Variants in ADAMTS6 observed in about 807,000 individuals in gnomAD.
ADAMTS6 encodes ADAM metallopeptidase with thrombospondin type 1 motif 6, also known as A disintegrin and metalloproteinase with thrombospondin motifs 6.
Under a neutral mutation model 144.3 loss-of-function variants are expected in ADAMTS6, and 23 were observed. The ratio of observed to expected loss-of-function variants is 0.16; its 90% CI spans 0.11 to 0.23. The LOEUF (loss-of-function observed/expected upper bound fraction) is 0.23. ADAMTS6 is among the 10% of genes least tolerant of loss of function. The pLI is 1.00. For missense variants in ADAMTS6, 999 were observed against 1,379.6 expected (o/e 0.72, Z 4.37); for synonymous variants, 444 against 457.5 (o/e 0.97, Z 0.38).
At chr5:65,237,874 C>G (rs1257101705) in intron 15 of ADAMTS6, among the ~76,000 whole-genome samples, 2 of 151,936 alleles carry the variant, frequency 1.3e-5, no homozygotes, top group Non-Finnish European at 2.9e-5. Context: ...ATTGCTTGAC[C>G]CCAGGCATTG....
At chr5:65,195,944 A>G (rs189450822) in intron 21 of ADAMTS6, among the ~76,000 whole-genome samples, 112 of 152,366 alleles carry the variant, frequency 7.4e-4, no homozygotes, top group African/African-American at 2.7e-3. Context: ...TCACATAATC[A>G]TCTTGAGCCT....
chr5:65,455,170 TCTC>T (rs1255452051), intron 4 of ADAMTS6, among the ~76,000 whole-genome samples: 2 of 152,196 alleles, frequency 1.3e-5, no homozygotes, highest in African/African-American at 4.8e-5. Flanking sequence ...CCATTCAATT[TCTC>T]CTTTTTATTT....
intron 7 of ADAMTS6, among the ~76,000 whole-genome samples, chr5:65,376,267 T>TA (rs1751532911): frequency 6.6e-6 from 1 of 151,600 alleles, no homozygotes; most frequent in South Asian, 2.1e-4. Flanking sequence ...AAAATAATAA[T>TA]AAAAAATAAA....
chr5:65,340,054 C>G (rs1444527196), intron 7 of ADAMTS6, among the ~76,000 whole-genome samples: 1 of 152,084 alleles, frequency 6.6e-6, no homozygotes, highest in East Asian at 1.9e-4. Context: ...TTACTCCAAA[C>G]AAGTCCTCTC....
At chr5:65,154,953 C>T (rs4389642) in intron 24 of ADAMTS6, among the ~76,000 whole-genome samples, 7,501 of 152,116 alleles carry the variant, frequency 0.049, 605 homozygotes, top group African/African-American at 0.17. Context: ...TGGGGAAAGA[C>T]CTGTGGGAGA....
At chr5:65,204,060 G>A (rs563099005) in intron 20 of ADAMTS6, among the ~76,000 whole-genome samples, 113 of 152,292 alleles carry the variant, frequency 7.4e-4, no homozygotes, top group African/African-American at 2.6e-3. Flanking sequence ...ACAGTACTAG[G>A]AGAATATTTT....
intron 7 of ADAMTS6, among the ~76,000 whole-genome samples, chr5:65,416,835 T>G (rs1382427187): frequency 6.6e-6 from 1 of 150,854 alleles, no homozygotes; most frequent in Non-Finnish European, 1.5e-5. Flanking sequence ...TCTACTGAAA[T>G]TATTCCAAAA....
chr5:65,422,406 C>T (rs573265939), intron 7 of ADAMTS6, among the ~76,000 whole-genome samples: 5 of 152,208 alleles, frequency 3.3e-5, no homozygotes, highest in East Asian at 1.9e-4. Context: ...CCAAGGCGGG[C>T]GGATCACGAG....
At chr5:65,451,292 A>C (rs927615233) in intron 7 of ADAMTS6, 183 bp downstream of exon 7, 1 of 549,016 alleles carries the variant, frequency 1.8e-6, no homozygotes, top group Non-Finnish European at 3.0e-6. Flanking sequence ...CTTTTTTCTT[A>C]TTTGGTTCAT....
chr5:65,383,913 C>T (rs944564316), intron 7 of ADAMTS6, among the ~76,000 whole-genome samples: 4 of 152,130 alleles, frequency 2.6e-5, no homozygotes, highest in African/African-American at 9.7e-5. Flanking sequence ...CATGAAGATG[C>T]TACTGCATGA....
rs539695669 is a variant in ADAMTS6 at position 65,385,884 on chromosome 5, G to T, written c.1074-51799C>A. On this transcript the variant is annotated intron_variant, in intron 7 of 24. Coordinates refer to ENST00000381055, the MANE Select transcript of ADAMTS6 (RefSeq NM_197941.4). ...AGTAAAAGCACTGACCAAATGTAAGGTTCAATGTGGTCATTACAATTTACC... is the reference window on the plus strand; with the variant it reads ...AGTAAAAGCACTGACCAAATGTAAGTTTCAATGTGGTCATTACAATTTACC... 9.9e-5 allele frequency among the ~76,000 whole-genome samples: 15 copies of T among 152,262 alleles called. No homozygotes were observed. In the South Asian group the frequency reaches 3.1e-3, roughly 32 times the overall value.
intron 6 of ADAMTS6, 55 bp from the exon 7 acceptor site, chr5:65,451,675 G>T: frequency 6.3e-7 from 1 of 1,591,904 alleles, no homozygotes; most frequent in Non-Finnish European, 8.5e-7. Context: ...AAGGTCAGTT[G>T]TTAAAACTTT....
chr5:65,478,600 A>G (rs1761003176), intron 1 of ADAMTS6, among the ~76,000 whole-genome samples: 1 of 152,130 alleles, frequency 6.6e-6, no homozygotes, highest in South Asian at 2.1e-4. Context: ...ATTATCTAAC[A>G]TCACTTTTCA....
intron 7 of ADAMTS6, among the ~76,000 whole-genome samples, chr5:65,394,625 C>T (rs1266344825): frequency 6.6e-6 from 1 of 152,136 alleles, no homozygotes; most frequent in Non-Finnish European, 1.5e-5. Context: ...GCTGAATGTT[C>T]ACTTAATTCT....
chr5:65,356,803 G>A (rs888271967), intron 7 of ADAMTS6, among the ~76,000 whole-genome samples: 2 of 151,838 alleles, frequency 1.3e-5, no homozygotes, highest in Non-Finnish European at 1.5e-5. Context: ...GCTGCTCTCT[G>A]AAGTTTTAGG....
chr5:65,207,651 CAAAG>C (rs1158296396), intron 20 of ADAMTS6, among the ~76,000 whole-genome samples: 100 of 152,334 alleles, frequency 6.6e-4, no homozygotes, highest in African/African-American at 2.4e-3. Context: ...CTGCATTCTG[CAAAG>C]ATTCATTCTC....
intron 18 of ADAMTS6, among the ~76,000 whole-genome samples, chr5:65,215,957 G>A (rs893998730): frequency 6.6e-6 from 1 of 152,156 alleles, no homozygotes; most frequent in Non-Finnish European, 1.5e-5. Context: ...GATAAAGGAA[G>A]TATCTTAAAT....
intron 7 of ADAMTS6, among the ~76,000 whole-genome samples, chr5:65,375,562 T>C (rs1325903917): frequency 6.6e-6 from 1 of 152,012 alleles, no homozygotes; most frequent in Non-Finnish European, 1.5e-5. Flanking sequence ...CACAATGAGA[T>C]ACCATCTCAC....
At chr5:65,338,361 T>C in intron 7 of ADAMTS6, among the ~76,000 whole-genome samples, 1 of 152,218 alleles carries the variant, frequency 6.6e-6, no homozygotes, top group Non-Finnish European at 1.5e-5. Flanking sequence ...GTTGGACAAT[T>C]GAGCAAGATC....
Sources: allele counts gnomAD v4.1 joint callset (sites outside exome capture counted in the v4.1 genomes callset), GRCh38; gene constraint gnomAD v4.1.1; transcripts MANE v1.5; gene names NCBI Gene and HGNC (gene_info 2026-07-23, HGNC 2026-07-21).